Variants in FGGY observed in about 807,000 individuals in gnomAD.
FGGY encodes FGGY carbohydrate kinase domain containing.
Under a neutral mutation model 71.3 loss-of-function variants are expected in FGGY, and 72 were observed. The ratio of observed to expected loss-of-function variants is 1.01; its 90% CI spans 0.84 to 1.23. The LOEUF (loss-of-function observed/expected upper bound fraction) is 1.23, where lower values mean the gene tolerates loss of function less well. Among genes scored for constraint, FGGY ranks in the 50% most tolerant of loss-of-function variants. The probability of loss-of-function intolerance (pLI) is 0.00; values close to 1 mark genes in which losing one functional copy is unlikely to be tolerated. For missense variants in FGGY, 668 were observed against 682.3 expected, an observed-to-expected ratio of 0.98 and a Z score of 0.23; for synonymous variants, 251 against 250.3, an observed-to-expected ratio of 1.00 and a Z score of -0.02.
chr1:59,436,598 T>C (rs748590815), intron 5 of FGGY, among the ~76,000 whole-genome samples: 1 of 152,226 alleles, frequency 6.6e-6, no homozygotes, highest in Non-Finnish European at 1.5e-5. Context: ...AATAAATTGC[T>C]GGATGAATGA....
intron 8 of FGGY, among the ~76,000 whole-genome samples, chr1:59,574,755 G>A (rs2096050498): frequency 6.6e-6 from 1 of 151,852 alleles, no homozygotes; most frequent in Non-Finnish European, 1.5e-5. Flanking sequence ...GGTTATTTCT[G>A]GAATAGAGAA....
chr1:59,663,298 C>T (rs531823116), intron 12 of FGGY, among the ~76,000 whole-genome samples: 1 of 152,338 alleles, frequency 6.6e-6, no homozygotes, highest in South Asian at 2.1e-4. Context: ...GCTCTTTCCA[C>T]TTTACCATGC....
At chr1:59,635,435 G>A (rs964317222) in intron 10 of FGGY, among the ~76,000 whole-genome samples, 13 of 151,432 alleles carry the variant, frequency 8.6e-5, no homozygotes, top group South Asian at 4.2e-4. Flanking sequence ...AGACAATGAC[G>A]AATCAATAAT....
chr1:59,355,432 G>A lies in FGGY; in HGVS notation c.465+9034G>A, dbSNP rs147220095. Among the ~76,000 whole-genome samples the A allele has an allele frequency of 2.7e-3, 414 of 152,266 alleles. 1 individual carries two copies. The highest frequency in any genetic ancestry group is 4.8e-3 in the Non-Finnish European group (329 of 68,008). On this transcript the variant is annotated intron_variant, in intron 4 of 15. Transcript: ENST00000303721. ...ACTGGTACACTGTTCATGGTTGGAA[G>A]AGTTTGCTACTGTTTTAGCACAATG...
At chr1:59,399,522 T>A (rs2061692842) in intron 5 of FGGY, among the ~76,000 whole-genome samples, 1 of 152,306 alleles carries the variant, frequency 6.6e-6, no homozygotes, top group South Asian at 2.1e-4. Flanking sequence ...AATTCTTGTT[T>A]TTGGTTACCT....
intron 9 of FGGY, among the ~76,000 whole-genome samples, chr1:59,622,030 C>T (rs1251150285): frequency 6.6e-6 from 1 of 151,796 alleles, no homozygotes; most frequent in Non-Finnish European, 1.5e-5. Context: ...CTCTTTCTCT[C>T]TCTCTAAGTC....
At chr1:59,701,113 TG>T (rs1200588526) in intron 14 of FGGY, among the ~76,000 whole-genome samples, 6 of 152,206 alleles carry the variant, frequency 3.9e-5, no homozygotes, top group Non-Finnish European at 7.3e-5. Flanking sequence ...TGTCATCCAC[TG>T]GGAGTGCTGG....
chr1:59,333,292 A>G (rs1050709335), intron 2 of FGGY, among the ~76,000 whole-genome samples: 1 of 152,248 alleles, frequency 6.6e-6, no homozygotes, highest in Non-Finnish European at 1.5e-5. Context: ...ATTGGGCCAC[A>G]TAGCAAGTAG....
chr1:59,315,298 C>T (rs925222285), intron 1 of FGGY, among the ~76,000 whole-genome samples: 16 of 151,808 alleles, frequency 1.1e-4, no homozygotes, highest in African/African-American at 3.4e-4. Context: ...CCCCTCCTCC[C>T]ATCAATCAAA....
intron 7 of FGGY, among the ~76,000 whole-genome samples, chr1:59,547,778 A>T (rs953818744): frequency 6.6e-6 from 1 of 152,154 alleles, no homozygotes; most frequent in South Asian, 2.1e-4. Context: ...AAACCAATCA[A>T]TATTTTTCAC....
chr1:59,557,232 C>T (rs376296247), intron 8 of FGGY, among the ~76,000 whole-genome samples: 16 of 152,266 alleles, frequency 1.1e-4, no homozygotes, highest in African/African-American at 3.1e-4. Context: ...AAACAGAACA[C>T]AGGGACCAAA....
intron 4 of FGGY, among the ~76,000 whole-genome samples, chr1:59,378,329 G>A (rs1326155738): frequency 6.6e-6 from 1 of 151,908 alleles, no homozygotes; most frequent in African/African-American, 2.4e-5. Flanking sequence ...TTTTATAAGA[G>A]GTTTTCCCTT....
intron 14 of FGGY, among the ~76,000 whole-genome samples, chr1:59,742,103 A>G (rs924695798): frequency 1.3e-5 from 2 of 152,190 alleles, no homozygotes; most frequent in African/African-American, 4.8e-5. Context: ...ACCCTGTCTC[A>G]AAAAGTAAAG....
At chr1:59,566,622 A>C (rs1202188590) in intron 8 of FGGY, among the ~76,000 whole-genome samples, 1 of 151,548 alleles carries the variant, frequency 6.6e-6, no homozygotes, top group African/African-American at 2.4e-5. Context: ...TGCCAATAGA[A>C]AAAAAAAAGT....
chr1:59,692,087 G>A (rs892482211), intron 14 of FGGY, among the ~76,000 whole-genome samples: 6 of 152,146 alleles, frequency 3.9e-5, no homozygotes, highest in African/African-American at 4.8e-5. Flanking sequence ...GGAAGAGACA[G>A]TTAAAAAGAT....
At chr1:59,534,245 G>C (rs369290921) in intron 7 of FGGY, among the ~76,000 whole-genome samples, 1 of 152,038 alleles carries the variant, frequency 6.6e-6, no homozygotes, top group Non-Finnish European at 1.5e-5. Flanking sequence ...TGGAAGATGA[G>C]ATGAATGAAA....
In FGGY at chr1:59,652,647, C is replaced by T. The variant is rs1271077635; in HGVS notation, c.1222-7572C>T. On this transcript the variant is annotated intron_variant, in intron 11 of 15. Coordinates refer to ENST00000303721, the MANE Select transcript of FGGY (RefSeq NM_018291.5). Reference sequence around the variant, plus strand: ...CTCTGTATTGGTTATTCTAGTTATACATTCTTCTAAATTTTTTTCAAAGTT... The same window carrying T: ...CTCTGTATTGGTTATTCTAGTTATATATTCTTCTAAATTTTTTTCAAAGTT... 2.8e-5 allele frequency among the ~76,000 whole-genome samples: 4 copies of T among 144,304 alleles called. No homozygotes were observed. In the East Asian group the frequency reaches 8.0e-4, roughly 29 times the overall value. 94.7% of individuals were successfully genotyped at this position (144,304 alleles called of 152,430 possible). A position where few individuals can be genotyped will look rare whatever the true frequency, so the allele number is the denominator to read the frequency against.
intron 14 of FGGY, among the ~76,000 whole-genome samples, chr1:59,745,556 G>A (rs1053606576): frequency 3.3e-5 from 5 of 152,150 alleles, no homozygotes; most frequent in Admixed American, 6.5e-5. Flanking sequence ...CAGACCCTGC[G>A]GCCTTTCATG....
At chr1:59,312,509 G>C (rs1369296730) in intron 1 of FGGY, among the ~76,000 whole-genome samples, 2 of 152,222 alleles carry the variant, frequency 1.3e-5, no homozygotes, top group African/African-American at 4.8e-5. Flanking sequence ...TTATAAACAA[G>C]TAAATGTGCT....
Sources: gnomAD v4.1 joint callset for allele counts (sites outside exome capture counted in the v4.1 genomes callset) on GRCh38, gnomAD v4.1.1 for gene constraint, MANE v1.5 for transcripts, NCBI Gene and HGNC (gene_info 2026-07-23, HGNC 2026-07-21) for gene names.